The following SNCAIP variants were observed in gnomAD, a reference collection of about 807,000 sequenced individuals.
SNCAIP encodes synphilin-1.
Under a neutral mutation model 86.7 loss-of-function variants are expected in SNCAIP, and 43 were observed. The ratio of observed to expected loss-of-function variants is 0.50; its 90% confidence interval spans 0.39 to 0.64. SNCAIP has a LOEUF of 0.64. SNCAIP is among the 30% of genes least tolerant of loss of function. The pLI, the probability that SNCAIP is intolerant of heterozygous loss-of-function variation, is 0.00. For missense variants in SNCAIP, 981 were observed against 1,103.1 expected (o/e 0.89, Z 1.57); for synonymous variants, 417 against 427.2 (o/e 0.98, Z 0.29).
intron 1 of SNCAIP, among the ~76,000 whole-genome samples, chr5:122,378,624 G>A (rs1205880164): frequency 7.2e-6 from 1 of 139,280 alleles, no homozygotes; most frequent in East Asian, 2.2e-4. Context: ...CCATGCCTAT[G>A]TCCTGAATGG....
intron 2 of SNCAIP, among the ~76,000 whole-genome samples, chr5:122,393,452 G>A (rs1258143772): frequency 6.6e-6 from 1 of 152,112 alleles, no homozygotes; most frequent in Non-Finnish European, 1.5e-5. Context: ...GGTGTATTCT[G>A]TCTCCAGAGT....
At chr5:122,369,704 C>T (rs1055345380) in intron 1 of SNCAIP, 2 of 152,154 alleles carry the variant, frequency 1.3e-5, no homozygotes, top group Non-Finnish European at 2.9e-5. Flanking sequence ...GAAGTGTCCA[C>T]ATCACAATCA....
At chr5:122,461,514 A>G (rs1728032528) in intron 10 of SNCAIP, among the ~76,000 whole-genome samples, 1 of 151,826 alleles carries the variant, frequency 6.6e-6, no homozygotes, top group Non-Finnish European at 1.5e-5. Flanking sequence ...ATTCTTCTCT[A>G]TTTTTCCATA....
intron 1 of SNCAIP, among the ~76,000 whole-genome samples, chr5:122,318,634 C>T (rs538717785): frequency 2.6e-5 from 4 of 152,162 alleles, no homozygotes; most frequent in Non-Finnish European, 4.4e-5. Context: ...TCTTAGGATA[C>T]TGGGACATGA....
At chr5:122,368,966 T>C (rs1163922677) in intron 1 of SNCAIP, among the ~76,000 whole-genome samples, 1 of 152,160 alleles carries the variant, frequency 6.6e-6, no homozygotes, top group Non-Finnish European at 1.5e-5. Context: ...CACATATCAG[T>C]TTGCTCCCGG....
At chr5:122,362,369 C>G (rs1432176298) in intron 1 of SNCAIP, among the ~76,000 whole-genome samples, 2 of 152,146 alleles carry the variant, frequency 1.3e-5, no homozygotes, top group Non-Finnish European at 2.9e-5. Context: ...GAAAGATTAT[C>G]AGTATGGCTC....
intron 1 of SNCAIP, among the ~76,000 whole-genome samples, chr5:122,358,234 C>T (rs563307496): frequency 1.4e-5 from 2 of 146,008 alleles, no homozygotes; most frequent in African/African-American, 2.5e-5. Flanking sequence ...ACTTTAAGTT[C>T]TAGGGTACAT....
chr5:122,458,936 A>G (rs558784919), intron 10 of SNCAIP, among the ~76,000 whole-genome samples: 1 of 152,158 alleles, frequency 6.6e-6, no homozygotes, highest in African/African-American at 2.4e-5. Flanking sequence ...TAGAGACTTC[A>G]TAGATATTTG....
intron 1 of SNCAIP, among the ~76,000 whole-genome samples, chr5:122,328,760 A>G (rs780805442): frequency 6.6e-5 from 10 of 152,210 alleles, no homozygotes; most frequent in Admixed American, 2.6e-4. Flanking sequence ...ATAAAATCCT[A>G]AAACACTTAG....
At chr5:122,340,582 A>C (rs1757367795) in intron 1 of SNCAIP, among the ~76,000 whole-genome samples, 1 of 152,208 alleles carries the variant, frequency 6.6e-6, no homozygotes, top group African/African-American at 2.4e-5. Flanking sequence ...CAATACCTTG[A>C]AGCAAACGAA....
At chr5:122,455,293 C>T (rs1010069581) in intron 10 of SNCAIP, among the ~76,000 whole-genome samples, 1 of 152,174 alleles carries the variant, frequency 6.6e-6, no homozygotes, top group Non-Finnish European at 1.5e-5. Flanking sequence ...AAGAATGGAT[C>T]TCTCTGGCTG....
Position 122,451,521 on chromosome 5 carries a change from T to A in SNCAIP, c.2674T>A (p.Leu892Met). The change falls in exon 10 of 11, where the codon TTG (leucine) becomes ATG (methionine). Residue 892 changes from leucine to methionine, a missense_variant. Physicochemically the swap from Leu to Met is conservative, Grantham distance 15. Coordinates refer to ENST00000261368, the MANE Select transcript of SNCAIP (RefSeq NM_005460.4). ...QAANQLKTSTLPLTSLGRKTD... is the reference protein window; with the variant it reads ...QAANQLKTSTMPLTSLGRKTD... Reference sequence around the variant, plus strand: ...AGCCAACCAGCTGAAAACCTCTACATTGCCCTTGACCTCACTTGGGAGGAA... The same window carrying A: ...AGCCAACCAGCTGAAAACCTCTACAATGCCCTTGACCTCACTTGGGAGGAA... The A allele has an allele frequency of 1.9e-6, 3 of 1,613,802 alleles. No homozygotes were observed. The highest frequency in any genetic ancestry group is 2.5e-6 in the Non-Finnish European group (3 of 1,180,008).
At chr5:122,331,676 T>TGC (rs1465440554) in intron 1 of SNCAIP, among the ~76,000 whole-genome samples, 4 of 152,202 alleles carry the variant, frequency 2.6e-5, no homozygotes, top group Admixed American at 2.6e-4. Context: ...GCTGCTGCCT[T>TGC]CTTCTGTGTC....
At chr5:122,438,279 T>C (rs569190422) in intron 6 of SNCAIP, among the ~76,000 whole-genome samples, 91 of 152,304 alleles carry the variant, frequency 6.0e-4, no homozygotes, top group African/African-American at 2.0e-3. Flanking sequence ...GTGGGTTTTC[T>C]CTGGGTACTC....
intron 5 of SNCAIP, among the ~76,000 whole-genome samples, chr5:122,428,864 T>C (rs1027451992): frequency 6.6e-6 from 1 of 152,044 alleles, no homozygotes; most frequent in Non-Finnish European, 1.5e-5. Flanking sequence ...GTCCTTGTGA[T>C]AGTTTGCTCA....
chr5:122,326,471 T>A (rs942881003), intron 1 of SNCAIP, among the ~76,000 whole-genome samples: 23 of 152,252 alleles, frequency 1.5e-4, no homozygotes, highest in African/African-American at 5.3e-4. Context: ...CTACTACAAC[T>A]TCTTTCCATT....
At chr5:122,332,482 C>T (rs866469348) in intron 1 of SNCAIP, among the ~76,000 whole-genome samples, 3 of 152,250 alleles carry the variant, frequency 2.0e-5, no homozygotes, top group South Asian at 2.1e-4. Flanking sequence ...CAGGTGAAGG[C>T]GGGCATAAGA....
chr5:122,443,337 T>C (rs2570978), intron 7 of SNCAIP, among the ~76,000 whole-genome samples: 48,244 of 152,140 alleles, frequency 0.32, 8,647 homozygotes, highest in South Asian at 0.41. Context: ...TTAATATTGA[T>C]GTAATAACTT....
At chr5:122,461,347 G>A (rs769987370) in intron 10 of SNCAIP, among the ~76,000 whole-genome samples, 4 of 152,108 alleles carry the variant, frequency 2.6e-5, no homozygotes, top group Non-Finnish European at 5.9e-5. Flanking sequence ...CACTCAGCAA[G>A]CTTTTTCAAT....
Sources: allele counts gnomAD v4.1 joint callset (sites outside exome capture counted in the v4.1 genomes callset), GRCh38; gene constraint gnomAD v4.1.1; transcripts MANE v1.5; gene names NCBI Gene and HGNC (gene_info 2026-07-23, HGNC 2026-07-21).